SAMD5: variants seen among roughly 807,000 people sequenced by gnomAD.
SAMD5 encodes the protein sterile alpha motif domain containing 5, also known as sterile alpha motif domain-containing protein 5.
In SAMD5, 13 loss-of-function variants were observed where a neutral mutation model predicts 11.3. That is an observed-to-expected ratio of 1.15 (90% CI 0.75 to 1.83). The LOEUF (loss-of-function observed/expected upper bound fraction) is 1.83, where lower values mean the gene tolerates loss of function less well. Among genes scored for constraint, SAMD5 ranks in the 40% most tolerant of loss-of-function variants. The pLI, the probability that SAMD5 is intolerant of heterozygous loss-of-function variation, is 0.00. For synonymous variants in SAMD5, 129 were observed against 111.3 expected, an observed-to-expected ratio of 1.16 and a Z score of -1.00; for missense variants, 255 against 239.1, an observed-to-expected ratio of 1.07 and a Z score of -0.44.
At chr6:147,928,243 G>T in the SAMD5 span, among the ~76,000 whole-genome samples, 13 of 152,128 alleles carry the variant, frequency 8.5e-5, no homozygotes, top group African/African-American at 3.1e-4. Flanking sequence ...TGGTACCAGC[G>T]CTTCTTTGTA....
chr6:147,670,793 TTC>T (rs1310030643), intron 1 of SAMD5, among the ~76,000 whole-genome samples: 6 of 152,346 alleles, frequency 3.9e-5, no homozygotes, highest in Middle Eastern at 3.4e-3. Flanking sequence ...ACTATTAAGT[TTC>T]TCCATATCAG....
the SAMD5 span, among the ~76,000 whole-genome samples, chr6:147,897,993 A>G: frequency 2.7e-5 from 4 of 148,590 alleles, no homozygotes; most frequent in African/African-American, 7.5e-5. Context: ...GGTGAGGAGA[A>G]TGTAGGATGC....
the SAMD5 span, among the ~76,000 whole-genome samples, chr6:147,908,150 T>C: frequency 6.6e-6 from 1 of 152,192 alleles, no homozygotes; most frequent in Non-Finnish European, 1.5e-5. Flanking sequence ...CTGTTTAAAA[T>C]GTTTCTATAT....
At chr6:147,763,266 T>C in the SAMD5 span, among the ~76,000 whole-genome samples, 1 of 151,956 alleles carries the variant, frequency 6.6e-6, no homozygotes, top group African/African-American at 2.4e-5. Flanking sequence ...TTCAAGCGAT[T>C]CTTCTGCCTC....
In SAMD5 at chr6:147,564,430, T is replaced by G; in HGVS notation, c.496T>G (p.Trp166Gly). 1.3e-6 allele frequency: 1 copy of G among 781,254 alleles called. No homozygotes were observed. Among genetic ancestry groups the G allele is most frequent in the East Asian group, 2.4e-5 (1 of 41,222 alleles). The allele number at this position is 781,254 out of a possible 1,614,324, so 48.4% of individuals were successfully genotyped here. The change falls in exon 2 of 2, where the codon TGG becomes GGG. Residue 166 changes from tryptophan (W) to glycine (G), a missense_variant. Trp to Gly is a radical substitution (Grantham distance 184). Transcript: ENST00000367474. ...TGGCATCCTAGAGTACTTAATGAAT[T>G]GGCCGAAGTCATCACAGAGCCGCTA... is the stretch of plus-strand genomic sequence containing the variant. ...MAGILEYLMN[W>G]PKSSQSR is the part of the protein sequence containing the mutation.
intron 1 of SAMD5, among the ~76,000 whole-genome samples, chr6:147,667,510 A>G (rs904752055): frequency 2.0e-5 from 3 of 152,206 alleles, no homozygotes; most frequent in Non-Finnish European, 4.4e-5. Flanking sequence ...AGGGCAGAAC[A>G]GATTCTCCTT....
At chr6:147,628,654 T>G (rs1421047042) in intron 1 of SAMD5, among the ~76,000 whole-genome samples, 3 of 152,092 alleles carry the variant, frequency 2.0e-5, no homozygotes, top group Admixed American at 2.0e-4. Flanking sequence ...CAGAAAGGAT[T>G]TTTTTTCAAA....
At chr6:147,920,248 C>T in the SAMD5 span, among the ~76,000 whole-genome samples, 2 of 152,270 alleles carry the variant, frequency 1.3e-5, no homozygotes, top group Non-Finnish European at 1.5e-5. Flanking sequence ...GGCAGAAGAG[C>T]GTGGAAGGAC....
chr6:147,520,300 T>C (rs1788232613), intron 1 of SAMD5, among the ~76,000 whole-genome samples: 1 of 152,042 alleles, frequency 6.6e-6, no homozygotes, highest in South Asian at 2.1e-4. Context: ...GTATTTTTAG[T>C]AGAGATTACT....
the SAMD5 span, among the ~76,000 whole-genome samples, chr6:147,851,125 G>A: frequency 6.6e-6 from 1 of 151,716 alleles, no homozygotes; most frequent in Admixed American, 6.6e-5. Flanking sequence ...TGTATTTTTA[G>A]TAGAGATGGG....
At chr6:147,633,134 A>C (rs1432592733) in intron 1 of SAMD5, among the ~76,000 whole-genome samples, 1 of 152,228 alleles carries the variant, frequency 6.6e-6, no homozygotes, top group Non-Finnish European at 1.5e-5. Flanking sequence ...ACATTGAAAA[A>C]ATAGACCACG....
At chr6:147,766,028 T>C in the SAMD5 span, among the ~76,000 whole-genome samples, 1 of 149,142 alleles carries the variant, frequency 6.7e-6, no homozygotes, top group Non-Finnish European at 1.5e-5. Flanking sequence ...AATATGCCCA[T>C]GAAAACAGGA....
the SAMD5 span, among the ~76,000 whole-genome samples, chr6:147,936,631 T>C: frequency 2.0e-5 from 3 of 152,098 alleles, no homozygotes; most frequent in South Asian, 4.1e-4. Flanking sequence ...TGAGATTTGG[T>C]TGGGGACAAA....
chr6:147,780,152 G>A, the SAMD5 span, among the ~76,000 whole-genome samples: 1 of 151,796 alleles, frequency 6.6e-6, no homozygotes, highest in South Asian at 2.1e-4. Flanking sequence ...TTAGATCACA[G>A]TATCCTGATG....
chr6:147,557,453 TA>T (rs1788875834), intron 1 of SAMD5, among the ~76,000 whole-genome samples: 1 of 152,174 alleles, frequency 6.6e-6, no homozygotes, highest in Non-Finnish European at 1.5e-5. Context: ...CCAGAGCCTC[TA>T]GGGGAGACTC....
chr6:147,883,662 C>A, the SAMD5 span, among the ~76,000 whole-genome samples: 2 of 152,180 alleles, frequency 1.3e-5, no homozygotes, highest in African/African-American at 2.4e-5. Flanking sequence ...CTTCTCTTTG[C>A]ACCATTAAAA....
chr6:147,911,986 A>C, the SAMD5 span, among the ~76,000 whole-genome samples: 1 of 152,198 alleles, frequency 6.6e-6, no homozygotes, highest in East Asian at 1.9e-4. Flanking sequence ...TTCTTTCACA[A>C]AACAAGGACA....
chr6:147,794,191 T>A, the SAMD5 span, among the ~76,000 whole-genome samples: 1 of 152,208 alleles, frequency 6.6e-6, no homozygotes, highest in Non-Finnish European at 1.5e-5. Context: ...AATCCGATTA[T>A]GTTTATTTGA....
In SAMD5 at chr6:147,566,678, C is replaced by T. The variant is rs372497085; in HGVS notation, c.*2222C>T. The stretch of plus-strand genomic sequence containing the variant: ...TGGTTAGAATTTGAAAATAACAATG[C>T]TCTGCTTAAAGTAAGAGTCACAGTC... On this transcript the variant is annotated 3_prime_UTR_variant, in exon 2 of 2. Transcript: ENST00000367474. 2.2e-5 allele frequency: 22 copies of T among 983,932 alleles called. No individual in the cohort carries two copies. The highest frequency in any genetic ancestry group is 1.0e-3 in the Middle Eastern group (2 of 1,914). The allele number at this position is 983,932 out of a possible 1,614,324, so 61.0% of individuals were successfully genotyped here. A position where few individuals can be genotyped will look rare whatever the true frequency, so the allele number is the denominator to read the frequency against.
Sources: gnomAD v4.1 joint callset for allele counts (sites outside exome capture counted in the v4.1 genomes callset) on GRCh38, gnomAD v4.1.1 for gene constraint, MANE v1.5 for transcripts, NCBI Gene and HGNC (gene_info 2026-07-23, HGNC 2026-07-21) for gene names.